SENP7: variants seen among roughly 807,000 people sequenced by gnomAD.
SENP7 encodes sentrin-specific protease 7.
A neutral mutation model predicts 141.2 loss-of-function variants in SENP7; 64 were observed. That is an observed-to-expected ratio of 0.45 (90% CI 0.37 to 0.56). The LOEUF (loss-of-function observed/expected upper bound fraction) is 0.56, where lower values mean the gene tolerates loss of function less well. SENP7 is among the 20% of genes least tolerant of loss of function. The pLI is 0.00. For missense variants in SENP7, 1,025 were observed against 1,212.2 expected (o/e 0.85, Z 2.29); for synonymous variants, 382 against 426.4 (o/e 0.90, Z 1.28).
At chr3:101,331,563 A>AAATAATAATAAT (rs58803980) in intron 19 of SENP7, among the ~76,000 whole-genome samples, 1,588 of 150,328 alleles carry the variant, frequency 0.011, 21 homozygotes, top group African/African-American at 0.036. Context: ...ATGTCAATGG[A>AAATAATAATAAT]AATAATAATA....
At chr3:101,426,483 A>AT (rs59964136) in intron 4 of SENP7, among the ~76,000 whole-genome samples, 54,397 of 142,972 alleles carry the variant, frequency 0.38, 10,201 homozygotes, top group Admixed American at 0.52. Flanking sequence ...GAGAAATAAG[A>AT]TTTTTTTTTT....
chr3:101,488,621 T>C (rs1333379342), intron 3 of SENP7, among the ~76,000 whole-genome samples: 3 of 152,164 alleles, frequency 2.0e-5, no homozygotes, highest in Non-Finnish European at 4.4e-5. Context: ...GCAGCTGGAT[T>C]GCCTGAGCTC....
rs2063384113 is a variant in SENP7 at position 101,457,295 on chromosome 3, T to TTCA, written c.284+1657_284+1659dup. On this transcript the variant is annotated intron_variant, in intron 4 of 23. Transcript: ENST00000394095. ...CAAAATTCTCCACAAGATCAGGAACTTCATCATCATCATCCTCCCCAGTAG... is the reference window on the plus strand; with the variant it reads ...CAAAATTCTCCACAAGATCAGGAACTTCATCATCATCATCATCCTCCCCAGTAG... 4 of 1,504,534 alleles carry TTCA rather than the reference T, an allele frequency of 2.7e-6. No individual in the cohort carries two copies. In the South Asian group the frequency reaches 3.4e-5, roughly 13 times the overall value. The allele number at this position is 1,504,534 out of a possible 1,614,324, so 93.2% of individuals were successfully genotyped here. A position where few individuals can be genotyped will look rare whatever the true frequency, so the allele number is the denominator to read the frequency against.
intron 5 of SENP7, among the ~76,000 whole-genome samples, chr3:101,410,489 C>A (rs1405055641): frequency 2.6e-5 from 4 of 152,158 alleles, no homozygotes; most frequent in Non-Finnish European, 5.9e-5. Context: ...TATAGGAGCA[C>A]AATTCACAAC....
chr3:101,452,969 G>T (rs1359929406), intron 4 of SENP7, among the ~76,000 whole-genome samples: 1 of 152,132 alleles, frequency 6.6e-6, no homozygotes, highest in African/African-American at 2.4e-5. Flanking sequence ...CTACTCATCT[G>T]ACAGAGGGCT....
chr3:101,443,026 T>C (rs112918457), intron 4 of SENP7, among the ~76,000 whole-genome samples: 3,600 of 152,320 alleles, frequency 0.024, 145 homozygotes, highest in African/African-American at 0.082. Context: ...TCCCTGCCCA[T>C]GCCTATGTCC....
chr3:101,342,240 T>C (rs937143728), intron 14 of SENP7, among the ~76,000 whole-genome samples: 3 of 152,212 alleles, frequency 2.0e-5, no homozygotes, highest in Non-Finnish European at 2.9e-5. Flanking sequence ...TGGCTTTCTA[T>C]AGGCCTTTTG....
intron 3 of SENP7, among the ~76,000 whole-genome samples, chr3:101,479,921 AACACACACAC>A (rs1553751527): frequency 1.8e-4 from 13 of 72,538 alleles, no homozygotes; most frequent in Non-Finnish European, 3.4e-4. Context: ...AAAAAAAAAA[AACACACACAC>A]ACACACACAA....
intron 5 of SENP7, chr3:101,414,583 C>G: frequency 6.2e-7 from 1 of 1,605,232 alleles, no homozygotes; most frequent in Admixed American, 1.7e-5. Context: ...GCACCTCATC[C>G]CAACTATGAC....
At position 101,398,942 on chromosome 3, in the gene SENP7, T is replaced by C; in HGVS notation, c.596A>G (p.Glu199Gly). Residue 199 changes from glutamate (E) to glycine (G), a missense_variant, in exon 6 of 24, where the codon GAG (glutamate) becomes GGG (glycine). By Grantham distance (98) the Glu-to-Gly change is moderately conservative (BLOSUM62 -2). Coordinates refer to ENST00000394095, the MANE Select transcript of SENP7 (RefSeq NM_020654.5). ...SLSDTDNLQSEQLSSSSDGSL... is the reference protein window; with the variant it reads ...SLSDTDNLQSGQLSSSSDGSL... ...GCCATCAGATGATGAAGAAAGTTGC[T>C]CTGATTGCAAGTTGTCTGTATCACT... 1 of 1,613,942 alleles carries C rather than the reference T, an allele frequency of 6.2e-7. No homozygotes were observed. Among genetic ancestry groups the C allele is most frequent in the Non-Finnish European group, 8.5e-7 (1 of 1,179,844 alleles).
intron 6 of SENP7, among the ~76,000 whole-genome samples, chr3:101,394,042 T>C (rs1317810735): frequency 2.9e-5 from 2 of 68,738 alleles, no homozygotes; most frequent in Admixed American, 3.7e-4. Flanking sequence ...CTACTGGATA[T>C]TAAAACATAT....
At chr3:101,421,987 C>T (rs2061803034) in intron 4 of SENP7, among the ~76,000 whole-genome samples, 2 of 152,230 alleles carry the variant, frequency 1.3e-5, no homozygotes, top group African/African-American at 2.4e-5. Flanking sequence ...GGTCCCCAGC[C>T]CCCAGACTGC....
intron 3 of SENP7, among the ~76,000 whole-genome samples, chr3:101,481,722 C>CA (rs1365988573): frequency 6.6e-6 from 1 of 152,124 alleles, no homozygotes; most frequent in African/African-American, 2.4e-5. Flanking sequence ...GGTCATTACA[C>CA]ATTCTTCACA....
intron 21 of SENP7, 42 bp from the exon 22 acceptor site, chr3:101,328,588 A>T: frequency 6.2e-7 from 1 of 1,600,178 alleles, no homozygotes; most frequent in South Asian, 1.1e-5. Context: ...ACATACTTGT[A>T]TACAAAGTAT....
chr3:101,337,334 G>A, intron 17 of SENP7, 175 bp downstream of exon 17: 1 of 395,386 alleles, frequency 2.5e-6, no homozygotes. Flanking sequence ...TCCCTGTCAT[G>A]GGCAGCAAAA....
In SENP7 at chr3:101,417,625, T is replaced by G. The variant is rs758041761; in HGVS notation, c.450A>C (p.Glu150Asp). The change falls in exon 5 of 24, where the codon GAA becomes GAC. Residue 150 changes from glutamate (E) to aspartate (D), a missense_variant. Glu to Asp is a conservative substitution (Grantham distance 45). Transcript: ENST00000394095. ...ATAAATTAAGGCTTTGGCGAAGAGGTTCTAATTTTTGACATGTCTCTAGGC... is the reference window on the plus strand; with the variant it reads ...ATAAATTAAGGCTTTGGCGAAGAGGGTCTAATTTTTGACATGTCTCTAGGC... ...VDSLETCQKL[E>D]PLRQSLNLSE... 2.9e-5 allele frequency: 46 copies of G among 1,613,766 alleles called. No individual in the cohort carries two copies. The South Asian group carries it at 4.4e-4, about 15-fold the overall frequency.
intron 5 of SENP7, among the ~76,000 whole-genome samples, chr3:101,400,804 G>A (rs1282620575): frequency 6.6e-6 from 1 of 151,976 alleles, no homozygotes; most frequent in Non-Finnish European, 1.5e-5. Context: ...TAAATCAAAA[G>A]CTAGAAATGG....
chr3:101,350,788 A>G (rs2059593976), intron 12 of SENP7, among the ~76,000 whole-genome samples: 1 of 151,982 alleles, frequency 6.6e-6, no homozygotes, highest in Admixed American at 6.6e-5. Flanking sequence ...CAGAACAAAT[A>G]TTATTCCTTA....
intron 3 of SENP7, among the ~76,000 whole-genome samples, chr3:101,462,144 T>C (rs2063566564): frequency 6.6e-6 from 1 of 152,216 alleles, no homozygotes; most frequent in Admixed American, 6.5e-5. Context: ...TGCCACTAAA[T>C]TGAATGCCAT....
Sources: allele counts gnomAD v4.1 joint callset (sites outside exome capture counted in the v4.1 genomes callset), GRCh38; gene constraint gnomAD v4.1.1; transcripts MANE v1.5; gene names NCBI Gene and HGNC (gene_info 2026-07-23, HGNC 2026-07-21).